PDE4D: variants seen among roughly 807,000 people sequenced by gnomAD.
PDE4D encodes the protein phosphodiesterase 4D, also known as 3',5'-cyclic-AMP phosphodiesterase 4D.
Under a neutral mutation model 87.4 loss-of-function variants are expected in PDE4D, and 24 were observed. The observed-to-expected ratio is 0.27, with a 90% confidence interval of 0.20 to 0.39. The LOEUF (loss-of-function observed/expected upper bound fraction) is 0.39, where lower values mean the gene tolerates loss of function less well. PDE4D is among the 10% of genes least tolerant of loss of function. PDE4D has a pLI of 1.00. For missense variants in PDE4D, 714 were observed against 1,041.0 expected (o/e 0.69, Z 4.32); for synonymous variants, 384 against 383.2 (o/e 1.00, Z -0.02).
chr5:60,080,030 T>C (rs913306298), intron 2 of PDE4D, among the ~76,000 whole-genome samples: 14 of 152,240 alleles, frequency 9.2e-5, no homozygotes, highest in African/African-American at 2.2e-4. Context: ...TTTCCATTTG[T>C]TTGTGTCCTC....
At chr5:59,965,702 T>A (rs777462261) in intron 3 of PDE4D, among the ~76,000 whole-genome samples, 87 of 152,288 alleles carry the variant, frequency 5.7e-4, no homozygotes, top group Middle Eastern at 3.4e-3. Context: ...AGCTTAAATA[T>A]CCTGGTAATT....
chr5:59,314,883 TA>T (rs1212298366), intron 1 of PDE4D: 9 of 152,036 alleles, frequency 5.9e-5, no homozygotes, highest in African/African-American at 2.2e-4. Flanking sequence ...AAGTTCCCAA[TA>T]ATGCAGGTGA....
At chr5:60,067,696 G>T (rs1052046308) in intron 2 of PDE4D, among the ~76,000 whole-genome samples, 1 of 151,956 alleles carries the variant, frequency 6.6e-6, no homozygotes. Flanking sequence ...TACGCCCATT[G>T]TTTAGTAACT....
chr5:59,156,926 A>G (rs1342658793), intron 5 of PDE4D: 3 of 165,366 alleles, frequency 1.8e-5, no homozygotes, highest in African/African-American at 7.2e-5. Flanking sequence ...TAGTAAGCAA[A>G]AAGCTTTGAT....
chr5:59,544,201 T>A (rs193110018), intron 1 of PDE4D, among the ~76,000 whole-genome samples: 6 of 152,306 alleles, frequency 3.9e-5, no homozygotes, highest in Non-Finnish European at 5.9e-5. Context: ...GGCAACACAT[T>A]CCTGGATTCT....
At chr5:59,953,393 T>G (rs1758498577) in intron 3 of PDE4D, among the ~76,000 whole-genome samples, 1 of 152,026 alleles carries the variant, frequency 6.6e-6, no homozygotes, top group Non-Finnish European at 1.5e-5. Flanking sequence ...GCCATAAAAA[T>G]GAAACAATTA....
At chr5:60,274,398 G>C (rs1583278602) in intron 1 of PDE4D, among the ~76,000 whole-genome samples, 1 of 152,018 alleles carries the variant, frequency 6.6e-6, no homozygotes, top group Non-Finnish European at 1.5e-5. Flanking sequence ...CTGCTACCCA[G>C]GCTGGAGTGC....
chr5:59,362,587 C>T (rs1043781183), intron 1 of PDE4D, among the ~76,000 whole-genome samples: 2 of 152,116 alleles, frequency 1.3e-5, no homozygotes, highest in African/African-American at 4.8e-5. Context: ...CTAAGCTTCT[C>T]CTAAATATAG....
intron 2 of PDE4D, among the ~76,000 whole-genome samples, chr5:60,084,144 A>G (rs1190640568): frequency 2.6e-5 from 4 of 152,254 alleles, no homozygotes; most frequent in Non-Finnish European, 5.9e-5. Context: ...TATGCTAAGC[A>G]AAATAGACAA....
intron 3 of PDE4D, among the ~76,000 whole-genome samples, chr5:59,909,212 C>T (rs1044623130): frequency 2.6e-5 from 4 of 152,102 alleles, no homozygotes; most frequent in African/African-American, 9.7e-5. Context: ...AAACCTTCAC[C>T]ATTTCACTCC....
intron 3 of PDE4D, among the ~76,000 whole-genome samples, chr5:59,186,554 C>T (rs1742963578): frequency 6.6e-6 from 1 of 152,150 alleles, no homozygotes; most frequent in Non-Finnish European, 1.5e-5. Flanking sequence ...TTTCATCTGG[C>T]ACAGACCTAG....
chr5:60,347,197 A>C (rs1276500633), intron 1 of PDE4D, among the ~76,000 whole-genome samples: 1 of 152,062 alleles, frequency 6.6e-6, no homozygotes, highest in African/African-American at 2.4e-5. Context: ...CATAAGAGCC[A>C]GTGTGTCCAG....
rs1480556050 is a variant in PDE4D, at chr5:59,251,830, G to C, written c.456-35862C>G. ...AGAGAATGAGGTAAATTTACACCAA[G>C]GAATACCATGCAGCCATAAAAAAGA... On this transcript the variant is annotated intron_variant, in intron 1 of 14. Coordinates refer to ENST00000340635, the MANE Select transcript of PDE4D (RefSeq NM_001104631.2). Among the ~76,000 whole-genome samples the C allele has an allele frequency of 2.0e-5, 3 of 152,064 alleles. No homozygotes were observed. The East Asian group carries it at 5.8e-4, about 29-fold the overall frequency.
intron 1 of PDE4D, among the ~76,000 whole-genome samples, chr5:59,622,983 A>G (rs576276687): frequency 4.0e-4 from 61 of 152,164 alleles, no homozygotes; most frequent in Admixed American, 7.9e-4. Flanking sequence ...TGCTCTTACC[A>G]TATTTCATTG....
chr5:60,480,741 A>G (rs986542800), intron 1 of PDE4D, among the ~76,000 whole-genome samples: 5 of 152,182 alleles, frequency 3.3e-5, no homozygotes, highest in African/African-American at 9.6e-5. Flanking sequence ...GAAATATAAT[A>G]CATATACTTA....
chr5:59,533,134 A>G (rs1814530951), intron 1 of PDE4D, among the ~76,000 whole-genome samples: 1 of 152,242 alleles, frequency 6.6e-6, no homozygotes, highest in Non-Finnish European at 1.5e-5. Flanking sequence ...TATAACCAGT[A>G]TCATAGAAAA....
intron 1 of PDE4D, among the ~76,000 whole-genome samples, chr5:59,345,309 C>T (rs1472591074): frequency 1.3e-5 from 2 of 151,834 alleles, no homozygotes; most frequent in Non-Finnish European, 2.9e-5. Flanking sequence ...AAAGTGAGCA[C>T]GGGATATATA....
chr5:59,140,892 A>T (rs59992142), intron 5 of PDE4D, among the ~76,000 whole-genome samples: 5,934 of 152,302 alleles, frequency 0.039, 353 homozygotes, highest in African/African-American at 0.12. Context: ...GTTGCAAAGG[A>T]CTGGCTAGAG....
At chr5:59,738,552 C>T (rs1172723860) in intron 1 of PDE4D, among the ~76,000 whole-genome samples, 1 of 151,858 alleles carries the variant, frequency 6.6e-6, no homozygotes, top group East Asian at 1.9e-4. Context: ...ATAGTAGTTA[C>T]CTCTGGGTGG....
Sources: allele counts gnomAD v4.1 joint callset (sites outside exome capture counted in the v4.1 genomes callset), GRCh38; gene constraint gnomAD v4.1.1; transcripts MANE v1.5; gene names NCBI Gene and HGNC (gene_info 2026-07-23, HGNC 2026-07-21).